GPC6: variants seen among roughly 807,000 people sequenced by gnomAD.
GPC6 encodes glypican-6.
In GPC6, 14 loss-of-function variants were observed where a neutral mutation model predicts 55.2. That is an observed-to-expected ratio of 0.25 (90% CI 0.17 to 0.40). GPC6 has a LOEUF of 0.40. GPC6 is among the 10% of genes least tolerant of loss of function. The probability of loss-of-function intolerance (pLI) is 1.00; values close to 1 mark genes in which losing one functional copy is unlikely to be tolerated. For missense variants in GPC6, 641 were observed against 708.5 expected (o/e 0.90, Z 1.08); for synonymous variants, 278 against 259.6 (o/e 1.07, Z -0.68).
In GPC6 at chr13:94,240,252, A is replaced by C. The variant is rs1891013919; in HGVS notation, c.878-46097A>C. On this transcript the variant is annotated intron_variant, in intron 4 of 8. Transcript: ENST00000377047. ...TACATGAACAGCACAGCCATAGGCA[A>C]CCGCCCTGGGGCTGACTCTGAGCTC... Among the ~76,000 whole-genome samples the C allele has an allele frequency of 2.0e-5, 3 of 152,110 alleles. No homozygotes were observed. The South Asian group carries it at 6.2e-4, about 31-fold the overall frequency.
intron 1 of GPC6, among the ~76,000 whole-genome samples, chr13:93,234,738 A>G (rs1251052711): frequency 6.8e-6 from 1 of 147,748 alleles, no homozygotes; most frequent in African/African-American, 2.5e-5. Flanking sequence ...AGGAAGAGAG[A>G]GAAGAGAGAA....
chr13:93,217,583 G>C, the GPC6 span, among the ~76,000 whole-genome samples: 1 of 152,024 alleles, frequency 6.6e-6, no homozygotes, highest in African/African-American at 2.4e-5. Context: ...TTCAATTTTT[G>C]TATTAAATCA....
chr13:93,831,707 A>C (rs955533203), intron 3 of GPC6, among the ~76,000 whole-genome samples: 1 of 152,120 alleles, frequency 6.6e-6, no homozygotes, highest in African/African-American at 2.4e-5. Context: ...TTATTTGAGC[A>C]TACAGAAAGA....
intron 1 of GPC6, among the ~76,000 whole-genome samples, chr13:93,241,179 A>C (rs1258781068): frequency 6.6e-6 from 1 of 152,144 alleles, no homozygotes; most frequent in African/African-American, 2.4e-5. Flanking sequence ...TGGATGTTTA[A>C]ATTTCTATCA....
chr13:94,000,669 C>A (rs919905564), intron 3 of GPC6, among the ~76,000 whole-genome samples: 20 of 152,050 alleles, frequency 1.3e-4, no homozygotes, highest in African/African-American at 4.3e-4. Context: ...ATAGGCATGG[C>A]AGAAACTTAA....
At chr13:93,290,907 A>C (rs1447954306) in intron 1 of GPC6, among the ~76,000 whole-genome samples, 1 of 152,186 alleles carries the variant, frequency 6.6e-6, no homozygotes, top group Admixed American at 6.5e-5. Flanking sequence ...TAAAAAGTGT[A>C]TTCAATATTA....
intron 2 of GPC6, among the ~76,000 whole-genome samples, chr13:93,565,368 T>G (rs1876045890): frequency 6.6e-6 from 1 of 152,216 alleles, no homozygotes. Context: ...TCTGGTTCAT[T>G]GCTTATATGG....
chr13:94,087,045 CAAAG>C (rs1189485810), intron 4 of GPC6, among the ~76,000 whole-genome samples: 3 of 152,014 alleles, frequency 2.0e-5, no homozygotes, highest in African/African-American at 7.3e-5. Context: ...ATTAACTAGA[CAAAG>C]AGGTAAGATT....
intron 1 of GPC6, among the ~76,000 whole-genome samples, chr13:93,287,520 G>GTA (rs1246409738): frequency 6.6e-6 from 1 of 152,218 alleles, no homozygotes; most frequent in Non-Finnish European, 1.5e-5. Flanking sequence ...TACTGGGCAT[G>GTA]CCTTTGTTTC....
chr13:93,381,165 T>C (rs1362007840), intron 1 of GPC6, among the ~76,000 whole-genome samples: 1 of 152,154 alleles, frequency 6.6e-6, no homozygotes, highest in Non-Finnish European at 1.5e-5. Flanking sequence ...CATATCATAT[T>C]AAAAATGAAA....
intron 2 of GPC6, among the ~76,000 whole-genome samples, chr13:93,696,125 G>A (rs76103813): frequency 6.6e-5 from 10 of 152,184 alleles, no homozygotes; most frequent in Non-Finnish European, 1.2e-4. Context: ...AAGTCTCTGC[G>A]AACATGCTGT....
intron 2 of GPC6, among the ~76,000 whole-genome samples, chr13:93,711,532 G>A (rs1463688686): frequency 6.6e-6 from 1 of 151,624 alleles, no homozygotes; most frequent in Admixed American, 6.6e-5. Flanking sequence ...ATAATGTCAT[G>A]GTATAGATAA....
At chr13:93,839,613 A>C (rs1846058945) in intron 3 of GPC6, among the ~76,000 whole-genome samples, 1 of 152,128 alleles carries the variant, frequency 6.6e-6, no homozygotes, top group Admixed American at 6.5e-5. Context: ...GTCATCACTT[A>C]CACATGTACA....
At chr13:93,942,066 G>T (rs1318484718) in intron 3 of GPC6, among the ~76,000 whole-genome samples, 1 of 152,074 alleles carries the variant, frequency 6.6e-6, no homozygotes, top group Non-Finnish European at 1.5e-5. Flanking sequence ...AGTTCAGGCT[G>T]GCATGCAATT....
chr13:94,135,835 C>G (rs1370838736), intron 4 of GPC6, among the ~76,000 whole-genome samples: 2 of 152,212 alleles, frequency 1.3e-5, no homozygotes, highest in Non-Finnish European at 2.9e-5. Flanking sequence ...CCACCACTGG[C>G]CAGGGATGCC....
chr13:93,793,902 A>T (rs12876318), intron 2 of GPC6, among the ~76,000 whole-genome samples: 50,170 of 152,078 alleles, frequency 0.33, 8,698 homozygotes, highest in African/African-American at 0.43. Flanking sequence ...TTAAGTCAGT[A>T]TGGTGTGAAA....
chr13:94,136,674 C>A (rs1887198000), intron 4 of GPC6, among the ~76,000 whole-genome samples: 1 of 152,128 alleles, frequency 6.6e-6, no homozygotes, highest in Admixed American at 6.5e-5. Flanking sequence ...CTTGCCACTG[C>A]ACTCCAGCCT....
At chr13:93,954,493 AG>A (rs1879406662) in intron 3 of GPC6, among the ~76,000 whole-genome samples, 1 of 152,080 alleles carries the variant, frequency 6.6e-6, no homozygotes, top group African/African-American at 2.4e-5. Context: ...TTTTTTGTAG[AG>A]ACAGGTTTCA....
chr13:93,824,856 A>G (rs1218980957), intron 2 of GPC6, among the ~76,000 whole-genome samples: 2 of 152,116 alleles, frequency 1.3e-5, no homozygotes, highest in African/African-American at 2.4e-5. Context: ...ATGTTCATCC[A>G]TCGATCTATT....
Sources: allele counts gnomAD v4.1 joint callset (sites outside exome capture counted in the v4.1 genomes callset), GRCh38; gene constraint gnomAD v4.1.1; transcripts MANE v1.5; gene names NCBI Gene and HGNC (gene_info 2026-07-23, HGNC 2026-07-21).